RBM26: variants seen among roughly 807,000 people sequenced by gnomAD.
RBM26 encodes RNA-binding protein 26.
Under a neutral mutation model 123.6 loss-of-function variants are expected in RBM26, and 30 were observed. The ratio of observed to expected loss-of-function variants is 0.24; its 90% confidence interval spans 0.18 to 0.33. RBM26 has a LOEUF of 0.33. Among genes scored for constraint, RBM26 ranks in the 10% least tolerant of loss-of-function variants. The pLI is 1.00. For synonymous variants in RBM26, 400 were observed against 404.4 expected (o/e 0.99, Z 0.13); for missense variants, 947 against 1,203.6 (o/e 0.79, Z 3.15).
intron 1 of RBM26, among the ~76,000 whole-genome samples, chr13:79,383,671 G>A (rs752124101): frequency 1.3e-5 from 2 of 151,902 alleles, no homozygotes; most frequent in Non-Finnish European, 2.9e-5. Context: ...TTACATTGGG[G>A]GGTGGGGGGA....
At chr13:79,344,843 T>G (rs371907348) in intron 14 of RBM26, 49 bp from the exon 15 acceptor site, 2 of 1,580,616 alleles carry the variant, frequency 1.3e-6, no homozygotes, top group East Asian at 4.5e-5. Context: ...CCGTTCATGA[T>G]ATCCTATTTT....
At chr13:79,318,707 G>A (rs1251412465), downstream of RBM26, 1 of 728,238 alleles carries the variant, frequency 1.4e-6, no homozygotes, top group Non-Finnish European at 1.7e-6. Context: ...TACATTGTAA[G>A]GGAATTTTAT....
chr13:79,381,041 T>C (rs769670133), intron 1 of RBM26, among the ~76,000 whole-genome samples: 12 of 152,136 alleles, frequency 7.9e-5, no homozygotes, highest in African/African-American at 2.9e-4. Context: ...ATAATAGCAG[T>C]AGTTAATTAC....
intron 1 of RBM26, among the ~76,000 whole-genome samples, chr13:79,392,740 G>A (rs559382312): frequency 1.3e-3 from 198 of 149,750 alleles, no homozygotes; most frequent in Non-Finnish European, 1.7e-3. Context: ...GAAACAAGCC[G>A]CTTTAACTAC....
intron 11 of RBM26, among the ~76,000 whole-genome samples, chr13:79,357,172 C>A (rs1433375045): frequency 6.6e-6 from 1 of 151,944 alleles, no homozygotes; most frequent in East Asian, 1.9e-4. Flanking sequence ...GAAAGGGAAC[C>A]ATTTCCTTTA....
intron 1 of RBM26, among the ~76,000 whole-genome samples, chr13:79,402,661 T>G (rs934796889): frequency 2.0e-5 from 3 of 152,182 alleles, no homozygotes; most frequent in Non-Finnish European, 4.4e-5. Context: ...TTTTAGGACC[T>G]CCATACAATC....
chr13:79,320,790 C>CGTA (rs1420604997), intron 21 of RBM26, 80 bp from the exon 22 acceptor site: 1 of 1,305,422 alleles, frequency 7.7e-7, no homozygotes, highest in Non-Finnish European at 1.0e-6. Context: ...TTTAAATACT[C>CGTA]ATCTCTCTCA....
At chr13:79,341,727 T>C (rs947851956) in intron 17 of RBM26, among the ~76,000 whole-genome samples, 1 of 151,802 alleles carries the variant, frequency 6.6e-6, no homozygotes, top group Non-Finnish European at 1.5e-5. Flanking sequence ...CCTTTTTATA[T>C]AGTTTTGCTT....
At chr13:79,379,264 T>C (rs73564691) in intron 1 of RBM26, among the ~76,000 whole-genome samples, 4,084 of 148,942 alleles carry the variant, frequency 0.027, 184 homozygotes, top group African/African-American at 0.096. Context: ...CCAGGCACAG[T>C]GAATCAGTCC....
intron 1 of RBM26, among the ~76,000 whole-genome samples, chr13:79,396,993 A>G (rs1263421698): frequency 6.6e-6 from 1 of 152,180 alleles, no homozygotes; most frequent in Admixed American, 6.5e-5. Flanking sequence ...CAGCCTGGCC[A>G]ACATGGTGAA....
At chr13:79,361,960 G>T (rs1262854655) in intron 9 of RBM26, among the ~76,000 whole-genome samples, 1 of 152,120 alleles carries the variant, frequency 6.6e-6, no homozygotes, top group Admixed American at 6.6e-5. Context: ...CAGACCTACA[G>T]ATTTTGGTAT....
intron 18 of RBM26, among the ~76,000 whole-genome samples, chr13:79,339,283 T>A (rs2070972926): frequency 6.6e-6 from 1 of 152,146 alleles, no homozygotes; most frequent in South Asian, 2.1e-4. Context: ...GGAGAGATGT[T>A]GGTCAAAGTG....
In RBM26 at chr13:79,344,695, T is replaced by C. The variant is rs777835653; in HGVS notation, c.2158A>G (p.Asn720Asp). Reference protein sequence around the residue: ...TLLVSTSAVDNNEAQKKKQEA... With the variant: ...TLLVSTSAVDDNEAQKKKQEA... ...TGTTTTTTTTTCTGTGCTTCATTAT[T>C]ATCAACTGCAGAGGTGGAAACAAGT... The change falls in exon 15 of 22, where the codon AAT becomes GAT. Residue 720 changes from asparagine (N) to aspartate (D), a missense_variant. Coordinates refer to ENST00000438737, the MANE Select transcript of RBM26 (RefSeq NM_001366735.2). The C allele has an allele frequency of 1.9e-6, 3 of 1,613,112 alleles. No individual in the cohort carries two copies. The highest frequency in any genetic ancestry group is 2.2e-5 in the South Asian group (2 of 90,952).
chr13:79,367,406 C>CAAAAAAAAAAAAAAAAAAAAAA lies in RBM26; in HGVS notation c.896-556_896-535dup, dbSNP rs776345304. On this transcript the variant is annotated intron_variant, in intron 6 of 21. Coordinates refer to ENST00000438737, the MANE Select transcript of RBM26 (RefSeq NM_001366735.2). ...TGGGGTATAGGGGGAGACTCCATCT[C>CAAAAAAAAAAAAAAAAAAAAAA]AAAAAAAAAAAAAAAAAAAAAAAAA... 3.0e-3 allele frequency among the ~76,000 whole-genome samples: 117 copies of CAAAAAAAAAAAAAAAAAAAAAA among 39,648 alleles called. 8 individuals carry two copies. The highest frequency in any genetic ancestry group is 6.3e-3 in the Non-Finnish European group (98 of 15,648). 26.0% of individuals were successfully genotyped at this position (39,648 alleles called of 152,430 possible).
intron 14 of RBM26, among the ~76,000 whole-genome samples, chr13:79,352,580 C>T (rs7338677): frequency 0.51 from 76,730 of 151,798 alleles, 19,778 homozygotes; most frequent in Middle Eastern, 0.6. Flanking sequence ...ATATGTATTG[C>T]TATGCTACCT....
chr13:79,401,536 T>A (rs1283648815), intron 1 of RBM26, among the ~76,000 whole-genome samples: 1 of 152,190 alleles, frequency 6.6e-6, no homozygotes, highest in Non-Finnish European at 1.5e-5. Context: ...TCATAAAACT[T>A]GTAAGTACAA....
At chr13:79,356,826 C>A (rs950190813) in intron 11 of RBM26, among the ~76,000 whole-genome samples, 1 of 151,898 alleles carries the variant, frequency 6.6e-6, no homozygotes, top group Non-Finnish European at 1.5e-5. Context: ...TGAGTAAATG[C>A]AAATAGAAGC....
Position 79,367,869 on chromosome 13 carries a change from G to A in RBM26, c.895+861C>T, listed in dbSNP as rs2075474471. ...AACACACAAATGAAAATAACCTAAC[G>A]AGATGAGACTTAAATATAATTTTTG... On this transcript the variant is annotated intron_variant, in intron 6 of 21. Transcript: ENST00000438737. Among the ~76,000 whole-genome samples the A allele has an allele frequency of 2.0e-5, 3 of 151,890 alleles. No individual in the cohort carries two copies. In the South Asian group the frequency reaches 6.3e-4, roughly 32 times the overall value.
intron 13 of RBM26, 28 bp downstream of exon 13, chr13:79,354,411 G>A (rs773618334): frequency 7.5e-6 from 11 of 1,469,764 alleles, no homozygotes; most frequent in Middle Eastern, 1.8e-4. Context: ...AACCTATTAC[G>A]GGCACAATCG....
Sources: gnomAD v4.1 joint callset for allele counts (sites outside exome capture counted in the v4.1 genomes callset) on GRCh38, gnomAD v4.1.1 for gene constraint, MANE v1.5 for transcripts, NCBI Gene and HGNC (gene_info 2026-07-23, HGNC 2026-07-21) for gene names.